The following ZCWPW1 variants were observed in gnomAD, a reference collection of about 807,000 sequenced individuals.
ZCWPW1 encodes zinc finger CW-type PWWP domain protein 1.
ZCWPW1 carries 56 observed loss-of-function variants against 81.3 expected under a neutral mutation model. The observed-to-expected ratio is 0.69, with a 90% CI of 0.56 to 0.86. ZCWPW1 has a LOEUF of 0.86. Ranked by LOEUF, ZCWPW1 falls within the 40% of genes least tolerant of loss-of-function variation. The pLI is 0.00. For synonymous variants in ZCWPW1, 250 were observed against 273.7 expected, an observed-to-expected ratio of 0.91 and a Z score of 0.86; for missense variants, 650 against 769.8, an observed-to-expected ratio of 0.84 and a Z score of 1.84.
chr7:100,402,419 G>T, intron 16 of ZCWPW1, 97 bp downstream of exon 16: 2 of 1,335,796 alleles, frequency 1.5e-6, no homozygotes, highest in Non-Finnish European at 1.1e-6. Context: ...TCCTGGCACT[G>T]AGATGGGCAG....
At position 100,408,532 on chromosome 7, in the gene ZCWPW1, G is replaced by T; in HGVS notation, c.992+7C>A. ...AAGGATGCTCTGACTGTGTCATAAT[G>T]CCCTACCAGGGGTAACCGTATTGCT... On this transcript the variant is annotated splice_region_variant and intron_variant, in intron 10 of 17. Transcript: ENST00000684423. 6.2e-7 allele frequency: 1 copy of T among 1,612,184 alleles called. No individual in the cohort carries two copies. Among genetic ancestry groups the T allele is most frequent in the Non-Finnish European group, 8.5e-7 (1 of 1,179,200 alleles).
Position 100,408,601 on chromosome 7 carries a change from A to G in ZCWPW1, c.930T>C (p.Asp310=). ...CTGGGATGTAGGAGGCATAGGCCAC[A>G]TCACTCTCAAGCCCTGTCCAGGTCT... ...PEETWTGLES[D]VAYASYIPGS... is the part of the protein sequence containing the mutation. The change falls in exon 10 of 18, where the codon GAT becomes GAC. Residue 310 remains aspartate, a synonymous_variant. Coordinates refer to ENST00000684423, the MANE Select transcript of ZCWPW1 (RefSeq NM_001386010.1). 1 of 1,614,126 alleles carries G rather than the reference A, an allele frequency of 6.2e-7. No individual in the cohort carries two copies. The highest frequency in any genetic ancestry group is 8.5e-7 in the Non-Finnish European group (1 of 1,179,994).
intron 1 of ZCWPW1, among the ~76,000 whole-genome samples, chr7:100,427,182 CTCCT>C (rs1406681178): frequency 1.2e-3 from 32 of 26,588 alleles, no homozygotes; most frequent in Non-Finnish European, 2.0e-3. Context: ...CCTTCCCTCC[CTCCT>C]TCCTTCCTCC....
At chr7:100,402,644 G>C (rs1348416176) in intron 15 of ZCWPW1, 68 bp from the exon 16 acceptor site, 13 of 1,493,632 alleles carry the variant, frequency 8.7e-6, no homozygotes, top group Admixed American at 3.4e-5. Context: ...AATAGAGAAG[G>C]ATGCTACAGA....
chr7:100,406,887 AC>A, intron 11 of ZCWPW1, 89 bp from the exon 12 acceptor site: 2 of 1,199,542 alleles, frequency 1.7e-6, no homozygotes, highest in Non-Finnish European at 2.4e-6. Flanking sequence ...ATGGGAATTC[AC>A]CCAGAAGGAG....
intron 8 of ZCWPW1, among the ~76,000 whole-genome samples, chr7:100,410,487 G>C (rs1441831934): frequency 6.6e-6 from 1 of 152,082 alleles, no homozygotes; most frequent in Admixed American, 6.6e-5. Context: ...TTCCTCCCTT[G>C]AGGTCTATGC....
chr7:100,412,141 G>A (rs1794301034), intron 8 of ZCWPW1, among the ~76,000 whole-genome samples: 1 of 152,020 alleles, frequency 6.6e-6, no homozygotes, highest in African/African-American at 2.4e-5. Context: ...GGGTCCCAAA[G>A]CCCAATCATG....
At position 100,406,752 on chromosome 7, in the gene ZCWPW1, C is replaced by A; in HGVS notation, c.1115G>T (p.Trp372Leu). ...TFFGETVSRA[W>L]IPVNMLKNFQ... ...GTTCTTTAGCATGTTGACTGGGATCCATGCACGAGAAACTGTTTCTCCAAA... is the reference window on the plus strand; with the variant it reads ...GTTCTTTAGCATGTTGACTGGGATCAATGCACGAGAAACTGTTTCTCCAAA... The change falls in exon 12 of 18, where the codon TGG becomes TTG. Residue 372 changes from tryptophan (W) to leucine (L), a missense_variant. Coordinates refer to ENST00000684423, the MANE Select transcript of ZCWPW1 (RefSeq NM_001386010.1). 1 of 1,614,114 alleles carries A rather than the reference C, an allele frequency of 6.2e-7. No homozygotes were observed. The highest frequency in any genetic ancestry group is 8.5e-7 in the Non-Finnish European group (1 of 1,180,004).
At chr7:100,427,021 T>C (rs1005135997) in intron 1 of ZCWPW1, among the ~76,000 whole-genome samples, 1 of 2,110 alleles carries the variant, frequency 4.7e-4, no homozygotes, top group Non-Finnish European at 9.2e-4. Context: ...TTCCTCCCCC[T>C]CCTCCCTCCC....
chr7:100,412,303 T>A (rs1381743656), intron 8 of ZCWPW1, among the ~76,000 whole-genome samples: 1 of 152,230 alleles, frequency 6.6e-6, no homozygotes, highest in East Asian at 1.9e-4. Context: ...CTCTTTGACA[T>A]CTCTATTTGG....
At chr7:100,412,683 A>G (rs1317747008) in intron 8 of ZCWPW1, among the ~76,000 whole-genome samples, 2 of 151,674 alleles carry the variant, frequency 1.3e-5, no homozygotes, top group East Asian at 3.9e-4. Context: ...CTGGGTTCAC[A>G]CCATTCTCCT....
chr7:100,410,061 C>G (rs1037365509), intron 8 of ZCWPW1, among the ~76,000 whole-genome samples: 1 of 152,312 alleles, frequency 6.6e-6, no homozygotes, highest in Admixed American at 6.5e-5. Context: ...TGAGTTCACT[C>G]TTCTCCAAAA....
intron 2 of ZCWPW1, among the ~76,000 whole-genome samples, chr7:100,422,010 GATT>G (rs1243752612): frequency 5.3e-5 from 8 of 152,096 alleles, no homozygotes; most frequent in Non-Finnish European, 4.4e-5. Context: ...TGTGTTTCTT[GATT>G]ACTAATGACA....
At chr7:100,413,299 C>T (rs1329496068) in intron 8 of ZCWPW1, among the ~76,000 whole-genome samples, 1 of 152,238 alleles carries the variant, frequency 6.6e-6, no homozygotes, top group Non-Finnish European at 1.5e-5. Context: ...TCCAGAGCCA[C>T]GTTCCCAACT....
intron 9 of ZCWPW1, 126 bp from the exon 10 acceptor site, chr7:100,408,785 G>C: frequency 8.8e-7 from 1 of 1,131,588 alleles, no homozygotes; most frequent in Non-Finnish European, 1.2e-6. Flanking sequence ...AGGGGCACCT[G>C]GGAGATCAGC....
chr7:100,419,938 G>T (rs1448054259), intron 3 of ZCWPW1, 55 bp from the exon 4 acceptor site: 4 of 1,392,902 alleles, frequency 2.9e-6, no homozygotes, highest in Admixed American at 4.6e-5. Flanking sequence ...AACAGAGATT[G>T]CCAAACATTA....
At chr7:100,409,190 C>T (rs762788237) in intron 9 of ZCWPW1, among the ~76,000 whole-genome samples, 10 of 152,038 alleles carry the variant, frequency 6.6e-5, no homozygotes, top group Non-Finnish European at 1.5e-4. Context: ...CAGACCAATG[C>T]TCATGTATTT....
chr7:100,410,820 C>G (rs1794010867), intron 8 of ZCWPW1, among the ~76,000 whole-genome samples: 1 of 152,204 alleles, frequency 6.6e-6, no homozygotes, highest in South Asian at 2.1e-4. Context: ...ATCTAGCTCT[C>G]CAACCCACTG....
intron 4 of ZCWPW1, 91 bp from the exon 5 acceptor site, chr7:100,419,280 G>A: frequency 8.8e-7 from 1 of 1,132,988 alleles, no homozygotes; most frequent in Non-Finnish European, 1.3e-6. Flanking sequence ...AGATGAGGCA[G>A]TAAGTTTATA....
Sources: allele counts gnomAD v4.1 joint callset (sites outside exome capture counted in the v4.1 genomes callset), GRCh38; gene constraint gnomAD v4.1.1; transcripts MANE v1.5; gene names NCBI Gene and HGNC (gene_info 2026-07-23, HGNC 2026-07-21).